The following TEX11 variants were observed in gnomAD, a reference collection of about 807,000 sequenced individuals.
TEX11 encodes testis-expressed protein 11.
In TEX11, 7 loss-of-function variants were observed where a neutral mutation model predicts 84.4. The ratio of observed to expected loss-of-function variants is 0.08; its 90% CI spans 0.05 to 0.16. The LOEUF (loss-of-function observed/expected upper bound fraction) is 0.16. Among genes scored for constraint, TEX11 ranks in the 10% least tolerant of loss-of-function variants. The pLI is 1.00. For synonymous variants in TEX11, 264 were observed against 222.8 expected (o/e 1.18, Z -1.64); for missense variants, 551 against 660.5 (o/e 0.83, Z 1.82).
At chrX:70,584,726 C>T (rs765178675) in intron 25 of TEX11, among the ~76,000 whole-genome samples, 11 of 111,636 alleles carry the variant, frequency 9.9e-5, no homozygotes, top group Admixed American at 2.9e-4. Flanking sequence ...ATCCCAAGAA[C>T]GCAAGTTCAA....
chrX:70,549,582 C>A (rs1404546767), intron 28 of TEX11, among the ~76,000 whole-genome samples: 2 of 111,228 alleles, frequency 1.8e-5, no homozygotes, highest in Non-Finnish European at 3.8e-5. Context: ...TCACCACAAG[C>A]TGATTGCAGA....
intron 9 of TEX11, among the ~76,000 whole-genome samples, chrX:70,799,798 C>T (rs1160452516): frequency 1.8e-5 from 2 of 112,067 alleles, no homozygotes; most frequent in Non-Finnish European, 3.8e-5. Flanking sequence ...ATGGTTTTGG[C>T]ACCCATTGAG....
At chrX:70,536,596 G>A (rs2087961391) in intron 28 of TEX11, among the ~76,000 whole-genome samples, 1 of 112,047 alleles carries the variant, frequency 8.9e-6, no homozygotes, top group Non-Finnish European at 1.9e-5. Context: ...CCTCAGTGAT[G>A]TGATATACCT....
chrX:70,740,666 C>T, intron 11 of TEX11, 35 bp downstream of exon 11: 1 of 1,005,646 alleles, frequency 9.9e-7, no homozygotes, highest in Non-Finnish European at 1.4e-6. Context: ...TCAAAAAATA[C>T]ATTAAGTTAG....
intron 11 of TEX11, among the ~76,000 whole-genome samples, chrX:70,731,326 A>T (rs1380326984): frequency 1.8e-5 from 2 of 111,730 alleles, no homozygotes; most frequent in Non-Finnish European, 3.8e-5. Flanking sequence ...AAGGAAATAG[A>T]GACACAAAAA....
intron 7 of TEX11, among the ~76,000 whole-genome samples, chrX:70,852,057 A>G (rs1380065074): frequency 8.9e-6 from 1 of 112,394 alleles, no homozygotes; most frequent in Non-Finnish European, 1.9e-5. Context: ...GCTTGTGGTG[A>G]ATATTGCACA....
chrX:70,752,371 A>G (rs2090832893), intron 9 of TEX11, among the ~76,000 whole-genome samples: 1 of 109,116 alleles, frequency 9.2e-6, no homozygotes, highest in Non-Finnish European at 1.9e-5. Context: ...CCAAAAATAC[A>G]AAAATTAGCC....
intron 13 of TEX11, among the ~76,000 whole-genome samples, chrX:70,703,040 T>C (rs2090339081): frequency 9.0e-6 from 1 of 111,276 alleles, no homozygotes; most frequent in Admixed American, 9.6e-5. Context: ...ATACATTTAG[T>C]CCTCACAGCA....
chrX:70,816,094 CT>C (rs1464666474), intron 8 of TEX11, among the ~76,000 whole-genome samples: 5 of 110,859 alleles, frequency 4.5e-5, no homozygotes, highest in East Asian at 2.9e-4. Flanking sequence ...CCCTTTCCCC[CT>C]GAGTCCCCAA....
At chrX:70,744,072 C>A in intron 10 of TEX11, 93 bp downstream of exon 10, 1 of 420,339 alleles carries the variant, frequency 2.4e-6, no homozygotes. Flanking sequence ...AGCTAATCTA[C>A]TCATAAATGG....
intron 7 of TEX11, among the ~76,000 whole-genome samples, chrX:70,842,896 A>T (rs1169307386): frequency 3.6e-5 from 4 of 111,724 alleles, no homozygotes; most frequent in Non-Finnish European, 7.5e-5. Flanking sequence ...CAAAGAGAAT[A>T]AAATACCTAG....
At chrX:70,636,475 A>C (rs1307056502) in intron 17 of TEX11, among the ~76,000 whole-genome samples, 1 of 111,443 alleles carries the variant, frequency 9.0e-6, no homozygotes, top group Non-Finnish European at 1.9e-5. Flanking sequence ...CCAAGGTTCC[A>C]GGCCAGCACC....
chrX:70,809,361 T>C (rs1469312591), intron 8 of TEX11, among the ~76,000 whole-genome samples: 1 of 111,979 alleles, frequency 8.9e-6, no homozygotes, highest in East Asian at 2.8e-4. Flanking sequence ...TCAACTATGA[T>C]AGTATTCATA....
chrX:70,648,241 C>T (rs2089769864), intron 17 of TEX11, among the ~76,000 whole-genome samples: 1 of 110,548 alleles, frequency 9.0e-6, no homozygotes, highest in Non-Finnish European at 1.9e-5. Flanking sequence ...GGAAGGGGAA[C>T]ATCACACCCC....
chrX:70,694,368 TAAAAC>T (rs752930566), intron 13 of TEX11, among the ~76,000 whole-genome samples: 13 of 111,410 alleles, frequency 1.2e-4, no homozygotes, highest in African/African-American at 2.0e-4. Context: ...ACTCAATACT[TAAAAC>T]AAAACAAAAC....
intron 25 of TEX11, among the ~76,000 whole-genome samples, chrX:70,581,956 G>A (rs377223472): frequency 9.0e-5 from 10 of 111,270 alleles, no homozygotes; most frequent in African/African-American, 1.6e-4. Context: ...GGACCTCTTC[G>A]TACTCTGAAA....
chrX:70,566,876 G>C (rs1377603967), intron 25 of TEX11, among the ~76,000 whole-genome samples: 1 of 111,480 alleles, frequency 9.0e-6, no homozygotes, highest in East Asian at 2.8e-4. Context: ...TTTTTTGGTT[G>C]TGTCTCTGCC....
rs763761631 is a variant in TEX11, at chrX:70,818,993, C to T, written c.607-12203G>A. Among the ~76,000 whole-genome samples the T allele has an allele frequency of 1.6e-3, 180 of 112,017 alleles. 1 individual carries two copies. The highest frequency in any genetic ancestry group is 2.8e-3 in the Non-Finnish European group (151 of 53,233). On this transcript the variant is annotated intron_variant, in intron 8 of 29. Transcript: ENST00000374333. ...AAAATCCCAGTACTAAATGGCTTCT[C>T]TGGTGTATTCTACCAAACATTCAAA...
intron 7 of TEX11, among the ~76,000 whole-genome samples, chrX:70,852,797 C>A (rs7049873): frequency 0.019 from 2,071 of 111,220 alleles, 58 homozygotes; most frequent in East Asian, 0.13. Context: ...ATGTTACATG[C>A]AGGGGGTGAA....
Sources: allele counts gnomAD v4.1 joint callset (sites outside exome capture counted in the v4.1 genomes callset), GRCh38; gene constraint gnomAD v4.1.1; transcripts MANE v1.5; gene names NCBI Gene and HGNC (gene_info 2026-07-23, HGNC 2026-07-21).